The following KLHDC1 variants were observed in gnomAD, a reference collection of about 807,000 sequenced individuals.
KLHDC1 encodes kelch domain-containing protein 1.
Under a neutral mutation model 68.3 loss-of-function variants are expected in KLHDC1, and 53 were observed. That is an observed-to-expected ratio of 0.78 (90% CI 0.62 to 0.98). The LOEUF (loss-of-function observed/expected upper bound fraction) is 0.98. Ranked by LOEUF, KLHDC1 falls within the 50% of genes least tolerant of loss-of-function variation. KLHDC1 has a pLI of 0.00. For synonymous variants in KLHDC1, 148 were observed against 159.0 expected (o/e 0.93, Z 0.52); for missense variants, 470 against 492.3 (o/e 0.95, Z 0.43).
At chr14:49,734,711 A>G in intron 10 of KLHDC1, 50 bp downstream of exon 10, 2 of 1,034,148 alleles carry the variant, frequency 1.9e-6, no homozygotes, top group Non-Finnish European at 2.9e-6. Context: ...TTTTTAAAGT[A>G]TTAAAATATA....
chr14:49,703,500 AC>A, intron 1 of KLHDC1, among the ~76,000 whole-genome samples: 1 of 151,780 alleles, frequency 6.6e-6, no homozygotes, highest in East Asian at 1.9e-4. Context: ...CCGCCACCAC[AC>A]CCAGCTAATT....
At chr14:49,748,403 A>G (rs1174747594) in intron 12 of KLHDC1, among the ~76,000 whole-genome samples, 1 of 152,164 alleles carries the variant, frequency 6.6e-6, no homozygotes, top group East Asian at 1.9e-4. Context: ...ATTTTCTTAG[A>G]TTTCAGAAAG....
intron 4 of KLHDC1, among the ~76,000 whole-genome samples, chr14:49,716,959 A>T (rs539885931): frequency 3.7e-4 from 56 of 152,300 alleles, no homozygotes; most frequent in South Asian, 3.3e-3. Context: ...ATTTCATAAA[A>T]ATTGAATCAT....
chr14:49,727,512 G>A (rs1274364698), intron 6 of KLHDC1, among the ~76,000 whole-genome samples: 2 of 152,072 alleles, frequency 1.3e-5, no homozygotes, highest in African/African-American at 4.8e-5. Context: ...TCCAACTTCT[G>A]TTCATGGAAA....
rs71115393 is a variant in KLHDC1, at chr14:49,695,116, A to ATGTGTGTGTGTGTGTG, written c.96+1844_96+1859dup. On this transcript the variant is annotated intron_variant, in intron 1 of 12. Coordinates refer to ENST00000359332, the MANE Select transcript of KLHDC1 (RefSeq NM_172193.3). ...CTCTGTAACATGCAATGCAGTTTTG[A>ATGTGTGTGTGTGTGTG]TGTGTGTGTGTGTGTGTGTGTGTGT... Among the ~76,000 whole-genome samples, 897 of 142,166 alleles carry ATGTGTGTGTGTGTGTG rather than the reference A, an allele frequency of 6.3e-3. 7 individuals carry two copies. Among genetic ancestry groups the ATGTGTGTGTGTGTGTG allele is most frequent in the African/African-American group, 8.6e-3 (329 of 38,052 alleles). 93.3% of individuals were successfully genotyped at this position (142,166 alleles called of 152,430 possible).
chr14:49,747,134 G>T (rs914777193), intron 12 of KLHDC1, among the ~76,000 whole-genome samples: 1 of 152,004 alleles, frequency 6.6e-6, no homozygotes, highest in African/African-American at 2.4e-5. Context: ...TTTTAGTAGA[G>T]ACAGGGGTTT....
intron 11 of KLHDC1, among the ~76,000 whole-genome samples, chr14:49,742,302 T>G (rs181736712): frequency 6.6e-6 from 1 of 152,346 alleles, no homozygotes; most frequent in East Asian, 1.9e-4. Flanking sequence ...TCTGTGACTT[T>G]TCTACCACAT....
intron 4 of KLHDC1, among the ~76,000 whole-genome samples, chr14:49,720,309 G>A (rs1266911013): frequency 6.6e-6 from 1 of 151,848 alleles, no homozygotes; most frequent in Non-Finnish European, 1.5e-5. Flanking sequence ...TGTAGGGATG[G>A]GGATCTCACT....
intron 1 of KLHDC1, among the ~76,000 whole-genome samples, chr14:49,704,183 C>T (rs569404119): frequency 6.6e-6 from 1 of 152,010 alleles, no homozygotes; most frequent in African/African-American, 2.4e-5. Context: ...GTTTTCATTT[C>T]CCTTGGTTAC....
At position 49,709,290 on chromosome 14, in the gene KLHDC1, ACT is replaced by A. The variant is rs1888137974; in HGVS notation, c.167+64_167+65del. ...ATATCTATTATAAATGTTTCTGTAG[ACT>A]CTAGGGAATTTGAGACCATACTTTG... On this transcript the variant is annotated intron_variant, in intron 2 of 12. Coordinates refer to ENST00000359332, the MANE Select transcript of KLHDC1 (RefSeq NM_172193.3). The A allele has an allele frequency of 3.2e-5, 23 of 724,252 alleles. No individual in the cohort carries two copies. In the South Asian group the frequency reaches 4.5e-4, roughly 14 times the overall value. 44.9% of individuals were successfully genotyped at this position (724,252 alleles called of 1,614,324 possible).
chr14:49,713,827 TATA>T (rs1888284596), intron 4 of KLHDC1, among the ~76,000 whole-genome samples: 6 of 6,254 alleles, frequency 9.6e-4, no homozygotes, highest in Admixed American at 2.3e-3. Flanking sequence ...TATATATATA[TATA>T]TATATATATA....
intron 12 of KLHDC1, among the ~76,000 whole-genome samples, chr14:49,746,056 A>C (rs897381605): frequency 6.6e-6 from 1 of 152,198 alleles, no homozygotes; most frequent in Non-Finnish European, 1.5e-5. Flanking sequence ...GGGCTGGAGA[A>C]GGAAGGGAGA....
rs1175153091 is a variant in KLHDC1 at position 49,710,287 on chromosome 14, A to G, written c.310A>G (p.Arg104Gly). The G allele has an allele frequency of 1.2e-6, 2 of 1,604,878 alleles. No individual in the cohort carries two copies. The highest frequency in any genetic ancestry group is 8.5e-7 in the Non-Finnish European group (1 of 1,171,872). ...NRLYFVNLRT[R>G]DETYIWEKIT... ...GCTTTATTTTGTTAATTTACGAACA[A>G]GAGATGAAACCTACATTTGGGAGAA... The change falls in exon 4 of 13, where the codon AGA becomes GGA. Residue 104 changes from arginine (R) to glycine (G), a missense_variant. Arg to Gly is a moderately radical substitution (Grantham distance 125). Transcript: ENST00000359332.
chr14:49,747,299 G>A (rs750936104), intron 12 of KLHDC1, among the ~76,000 whole-genome samples: 7 of 152,144 alleles, frequency 4.6e-5, no homozygotes, highest in Non-Finnish European at 7.3e-5. Context: ...TCTCTTGCCA[G>A]CAATTTTAAT....
chr14:49,733,081 C>T (rs1888853384), intron 9 of KLHDC1, among the ~76,000 whole-genome samples: 2 of 152,152 alleles, frequency 1.3e-5, no homozygotes, highest in Admixed American at 6.6e-5. Flanking sequence ...TTCTGTGATT[C>T]TGTGTCCGCT....
intron 1 of KLHDC1, among the ~76,000 whole-genome samples, chr14:49,706,311 T>C (rs936464427): frequency 1.3e-5 from 2 of 152,196 alleles, no homozygotes; most frequent in South Asian, 4.1e-4. Context: ...AATAACAGGA[T>C]CTCATTCTTT....
Position 49,704,027 on chromosome 14 carries a change from T to C in KLHDC1, c.97-5132T>C, listed in dbSNP as rs866967672. 2.8e-4 allele frequency among the ~76,000 whole-genome samples: 42 copies of C among 152,338 alleles called. 1 individual carries two copies. Among genetic ancestry groups the C allele is most frequent in the Middle Eastern group, 6.8e-3 (2 of 294 alleles). ...ACATCTCCAAAATTATTTGGAAATGTCAGACTGTTACCAAAATATTTGTAT... is the reference window on the plus strand; with the variant it reads ...ACATCTCCAAAATTATTTGGAAATGCCAGACTGTTACCAAAATATTTGTAT... On this transcript the variant is annotated intron_variant, in intron 1 of 12. Transcript: ENST00000359332.
Position 49,751,876 on chromosome 14 carries a change from A to T in KLHDC1, c.*104A>T. The T allele has an allele frequency of 1.9e-6, 1 of 523,534 alleles. No homozygotes were observed. The highest frequency in any genetic ancestry group is 3.2e-6 in the Non-Finnish European group (1 of 310,804). The allele number at this position is 523,534 out of a possible 1,614,324, so 32.4% of individuals were successfully genotyped here. A position where few individuals can be genotyped will look rare whatever the true frequency, so the allele number is the denominator to read the frequency against. The stretch of plus-strand genomic sequence containing the variant: ...TTATTTAAAGGATAAAATTTAAAGG[A>T]TAAAAAAACAGTCACTCTGTTAAGT... On this transcript the variant is annotated 3_prime_UTR_variant, in exon 13 of 13. Coordinates refer to ENST00000359332, the MANE Select transcript of KLHDC1 (RefSeq NM_172193.3).
Position 49,748,288 on chromosome 14 carries a change from G to C in KLHDC1, c.1035-3298G>C, listed in dbSNP as rs548853024. On this transcript the variant is annotated intron_variant, in intron 12 of 12. Coordinates refer to ENST00000359332, the MANE Select transcript of KLHDC1 (RefSeq NM_172193.3). ...CCTGCATGTGAAATGATATAACCTG[G>C]AAGCAGTGGTGAGAAGTGAGACTAC... Among the ~76,000 whole-genome samples the C allele has an allele frequency of 3.3e-5, 5 of 152,332 alleles. No homozygotes were observed. The South Asian group carries it at 8.3e-4, about 25-fold the overall frequency.
Sources: allele counts gnomAD v4.1 joint callset (sites outside exome capture counted in the v4.1 genomes callset), GRCh38; gene constraint gnomAD v4.1.1; transcripts MANE v1.5; gene names NCBI Gene and HGNC (gene_info 2026-07-23, HGNC 2026-07-21).